Variants in NYAP2 observed in about 807,000 individuals in gnomAD.
The protein encoded by NYAP2 is neuronal tyrosine-phosphorylated phosphoinositide-3-kinase adapter 2.
A neutral mutation model predicts 50.4 loss-of-function variants in NYAP2; 23 were observed. The ratio of observed to expected loss-of-function variants is 0.46; its 90% confidence interval spans 0.33 to 0.65. The LOEUF (loss-of-function observed/expected upper bound fraction) is 0.65, where lower values mean the gene tolerates loss of function less well. NYAP2 is among the 30% of genes least tolerant of loss of function. The probability of loss-of-function intolerance (pLI) is 0.02; values close to 1 mark genes in which losing one functional copy is unlikely to be tolerated. For missense variants in NYAP2, 885 were observed against 861.0 expected (o/e 1.03, Z -0.35); for synonymous variants, 394 against 365.2 (o/e 1.08, Z -0.90).
At chr2:225,503,633 C>T (rs895417962) in intron 3 of NYAP2, among the ~76,000 whole-genome samples, 12 of 152,250 alleles carry the variant, frequency 7.9e-5, no homozygotes, top group Non-Finnish European at 1.5e-4. Context: ...TATAATTAAG[C>T]ATCACATTAA....
At chr2:225,546,131 C>G (rs1691576868) in intron 4 of NYAP2, among the ~76,000 whole-genome samples, 1 of 152,154 alleles carries the variant, frequency 6.6e-6, no homozygotes, top group Non-Finnish European at 1.5e-5. Context: ...TGGATCAGAC[C>G]TGAACCCAGC....
the NYAP2 span, among the ~76,000 whole-genome samples, chr2:225,677,080 A>AT: frequency 1.6e-4 from 25 of 152,010 alleles, no homozygotes; most frequent in African/African-American, 5.6e-4. Context: ...AGAGTCTCTG[A>AT]TTTTTTTGAG....
chr2:225,618,270 G>A (rs1693024450), intron 5 of NYAP2, among the ~76,000 whole-genome samples: 3 of 152,190 alleles, frequency 2.0e-5, no homozygotes, highest in Admixed American at 2.0e-4. Flanking sequence ...CAAAGAAGCT[G>A]CAGCCTTGGC....
chr2:225,436,756 A>G (rs867234177), intron 3 of NYAP2, among the ~76,000 whole-genome samples: 1,865 of 150,272 alleles, frequency 0.012, 46 homozygotes, highest in African/African-American at 0.04. Context: ...AAAAAAAAAA[A>G]AAAGAGAGAA....
chr2:225,699,451 G>T, the NYAP2 span: 4 of 151,896 alleles, frequency 2.6e-5, no homozygotes, highest in South Asian at 8.3e-4. Context: ...CAGTGGCATT[G>T]TAGCCACCAT....
chr2:225,480,565 T>C (rs1690189015), intron 3 of NYAP2, among the ~76,000 whole-genome samples: 1 of 152,076 alleles, frequency 6.6e-6, no homozygotes, highest in Non-Finnish European at 1.5e-5. Flanking sequence ...AATGCAGGCT[T>C]CATAGAAAGG....
intron 3 of NYAP2, among the ~76,000 whole-genome samples, chr2:225,494,892 G>T (rs2106173431): frequency 6.6e-6 from 1 of 152,140 alleles, no homozygotes; most frequent in Non-Finnish European, 1.5e-5. Flanking sequence ...TTCAATATAA[G>T]ATATAAAAAA....
At chr2:225,478,291 G>A (rs1690150874) in intron 3 of NYAP2, among the ~76,000 whole-genome samples, 1 of 152,102 alleles carries the variant, frequency 6.6e-6, no homozygotes, top group Non-Finnish European at 1.5e-5. Context: ...CCCAGTAACT[G>A]GGAACATGAT....
At chr2:225,406,675 G>T (rs1034252089) in intron 2 of NYAP2, among the ~76,000 whole-genome samples, 1 of 151,700 alleles carries the variant, frequency 6.6e-6, no homozygotes, top group Admixed American at 6.6e-5. Flanking sequence ...TAGATGTGAT[G>T]GTTCATTTTC....
At chr2:225,481,728 G>A (rs1448211770) in intron 3 of NYAP2, among the ~76,000 whole-genome samples, 1 of 152,120 alleles carries the variant, frequency 6.6e-6, no homozygotes, top group Non-Finnish European at 1.5e-5. Context: ...AATAGATGAA[G>A]TTTGTGACAT....
intron 5 of NYAP2, among the ~76,000 whole-genome samples, chr2:225,625,043 TAAAAAAAA>T (rs386392796): frequency 1.6e-4 from 11 of 69,630 alleles, no homozygotes; most frequent in African/African-American, 5.4e-4. Context: ...AACCCAAGCG[TAAAAAAAA>T]AAAAAAAAAA....
At chr2:225,425,712 A>C (rs1042563877) in intron 3 of NYAP2, among the ~76,000 whole-genome samples, 1 of 152,228 alleles carries the variant, frequency 6.6e-6, no homozygotes, top group African/African-American at 2.4e-5. Context: ...AATCGAAGAG[A>C]AATAAATATT....
intron 3 of NYAP2, among the ~76,000 whole-genome samples, chr2:225,511,109 A>T (rs182398075): frequency 1.2e-4 from 18 of 152,312 alleles, no homozygotes; most frequent in Non-Finnish European, 4.4e-5. Flanking sequence ...AACAAAAGAC[A>T]TTAGGATGAA....
exon 1 of NYAP2, chr2:225,399,752 C>T (rs1694826003): frequency 6.6e-6 from 1 of 151,886 alleles, no homozygotes; most frequent in Admixed American, 6.6e-5. Context: ...AGGGTGGAGG[C>T]AAAATTGATA....
At chr2:225,463,327 C>T (rs1441821193) in intron 3 of NYAP2, among the ~76,000 whole-genome samples, 1 of 152,246 alleles carries the variant, frequency 6.6e-6, no homozygotes, top group Non-Finnish European at 1.5e-5. Context: ...TAGTGGCAAA[C>T]AAATTTGCAG....
the NYAP2 span, among the ~76,000 whole-genome samples, chr2:225,667,274 C>T: frequency 8.5e-5 from 11 of 128,728 alleles, no homozygotes; most frequent in South Asian, 1.7e-3. Flanking sequence ...AAGCCAAATA[C>T]GTGTGTGTGA....
chr2:225,690,859 T>C, the NYAP2 span, among the ~76,000 whole-genome samples: 64 of 152,244 alleles, frequency 4.2e-4, 3 homozygotes, highest in South Asian at 0.013. Flanking sequence ...TAGTTGTTTA[T>C]ATAGCACCAA....
At chr2:225,668,406 C>G in the NYAP2 span, among the ~76,000 whole-genome samples, 1 of 152,184 alleles carries the variant, frequency 6.6e-6, no homozygotes, top group Non-Finnish European at 1.5e-5. Flanking sequence ...ACTCTATATA[C>G]TCTGCGTACC....
At chr2:225,654,446 G>A (rs1308429996), downstream of NYAP2, among the ~76,000 whole-genome samples, 1 of 152,154 alleles carries the variant, frequency 6.6e-6, no homozygotes, top group Non-Finnish European at 1.5e-5. Flanking sequence ...ATTTTGGGAG[G>A]CCGAGGCAGG....
Sources: gnomAD v4.1 joint callset for allele counts (sites outside exome capture counted in the v4.1 genomes callset) on GRCh38, gnomAD v4.1.1 for gene constraint, MANE v1.5 for transcripts, NCBI Gene and HGNC (gene_info 2026-07-23, HGNC 2026-07-21) for gene names.